Variants in GRIK2 observed in about 807,000 individuals in gnomAD.
GRIK2 encodes glutamate ionotropic receptor kainate type subunit 2, also known as glutamate receptor ionotropic, kainate 2.
In GRIK2, 32 loss-of-function variants were observed where a neutral mutation model predicts 100.3. That is an observed-to-expected ratio of 0.32 (90% CI 0.24 to 0.43). The LOEUF is 0.43. Among genes scored for constraint, GRIK2 ranks in the 20% least tolerant of loss-of-function variants. The pLI is 1.00. For missense variants in GRIK2, 843 were observed against 1,114.9 expected (o/e 0.76, Z 3.47); for synonymous variants, 417 against 389.4 (o/e 1.07, Z -0.83).
At chr6:102,000,772 C>A (rs913739136) in intron 14 of GRIK2, among the ~76,000 whole-genome samples, 1 of 151,974 alleles carries the variant, frequency 6.6e-6, no homozygotes, top group African/African-American at 2.4e-5. Flanking sequence ...TTGTGTTTCT[C>A]TCTTTTGTTT....
At chr6:101,627,800 GGTT>G (rs1450615645) in intron 4 of GRIK2, among the ~76,000 whole-genome samples, 2 of 152,024 alleles carry the variant, frequency 1.3e-5, no homozygotes, top group Non-Finnish European at 2.9e-5. Context: ...GCTAACTACA[GGTT>G]GTCTGCTTTC....
intron 9 of GRIK2, among the ~76,000 whole-genome samples, chr6:101,805,313 TAA>T (rs35711027): frequency 2.1e-5 from 3 of 141,992 alleles, no homozygotes; most frequent in African/African-American, 7.7e-5. Context: ...TTCATCACCT[TAA>T]AAAAAAAAAA....
chr6:101,711,706 G>T (rs1773706429), intron 7 of GRIK2, among the ~76,000 whole-genome samples: 1 of 151,768 alleles, frequency 6.6e-6, no homozygotes, highest in South Asian at 2.1e-4. Flanking sequence ...AAGAGGAAGT[G>T]TGTTATGACA....
At chr6:102,038,640 C>G (rs1467488825) in intron 15 of GRIK2, among the ~76,000 whole-genome samples, 5 of 146,668 alleles carry the variant, frequency 3.4e-5, no homozygotes, top group Admixed American at 6.9e-5. Context: ...AAAAATTGTA[C>G]TTAATTATAA....
intron 2 of GRIK2, among the ~76,000 whole-genome samples, chr6:101,463,172 A>G (rs1305018015): frequency 6.6e-6 from 1 of 152,198 alleles, no homozygotes; most frequent in African/African-American, 2.4e-5. Flanking sequence ...AACATTATAT[A>G]ATAGCATAGA....
chr6:101,598,460 T>C (rs1779032312), intron 2 of GRIK2, among the ~76,000 whole-genome samples: 1 of 151,484 alleles, frequency 6.6e-6, no homozygotes, highest in African/African-American at 2.4e-5. Context: ...CCCAGTTACA[T>C]TTTTATTTGT....
At chr6:101,906,366 C>CTGTGCGTGTGTGTG (rs1554283802) in intron 12 of GRIK2, among the ~76,000 whole-genome samples, 1 of 145,930 alleles carries the variant, frequency 6.9e-6, no homozygotes, top group African/African-American at 2.5e-5. Context: ...AAAACAAGAT[C>CTGTGCGTGTGTGTG]TGTGTGTGTG....
At chr6:101,464,065 TA>T (rs1771485091) in intron 2 of GRIK2, among the ~76,000 whole-genome samples, 1 of 152,336 alleles carries the variant, frequency 6.6e-6, no homozygotes, top group Admixed American at 6.5e-5. Flanking sequence ...ATTACTTGAT[TA>T]CAATACCCTC....
chr6:101,830,121 T>G (rs1179702238), intron 10 of GRIK2, among the ~76,000 whole-genome samples: 1 of 151,824 alleles, frequency 6.6e-6, no homozygotes, highest in Non-Finnish European at 1.5e-5. Flanking sequence ...GAAATAAGGC[T>G]ACACTCCTAC....
chr6:101,625,488 A>G (rs2128318282), intron 3 of GRIK2, among the ~76,000 whole-genome samples: 1 of 152,126 alleles, frequency 6.6e-6, no homozygotes, highest in South Asian at 2.1e-4. Context: ...ATCAAGTGAA[A>G]CAAACTTAAG....
chr6:101,788,272 A>C (rs988363108), intron 7 of GRIK2, among the ~76,000 whole-genome samples: 3 of 151,416 alleles, frequency 2.0e-5, no homozygotes, highest in African/African-American at 7.3e-5. Flanking sequence ...GGTTAGTTAC[A>C]TATGTATACA....
At chr6:101,763,549 A>G (rs114731019) in intron 7 of GRIK2, among the ~76,000 whole-genome samples, 2,924 of 152,330 alleles carry the variant, frequency 0.019, 26 homozygotes, top group African/African-American at 0.034. Context: ...TGTATTTTCT[A>G]CTAAAATCAA....
At chr6:101,991,089 A>C (rs1405598572) in intron 14 of GRIK2, among the ~76,000 whole-genome samples, 1 of 151,852 alleles carries the variant, frequency 6.6e-6, no homozygotes, top group Non-Finnish European at 1.5e-5. Context: ...AACAAGCTGG[A>C]CAAAAATAAC....
At chr6:101,483,246 C>T (rs1000858708) in intron 2 of GRIK2, among the ~76,000 whole-genome samples, 3 of 152,108 alleles carry the variant, frequency 2.0e-5, no homozygotes, top group African/African-American at 7.2e-5. Context: ...CTCTCTGAAA[C>T]CTATCTTCAG....
chr6:101,428,976 CTT>C (rs1435668258), intron 2 of GRIK2, among the ~76,000 whole-genome samples: 3 of 149,218 alleles, frequency 2.0e-5, no homozygotes, highest in African/African-American at 2.4e-5. Context: ...AAGACAAAGA[CTT>C]TGAAAAATTC....
intron 2 of GRIK2, among the ~76,000 whole-genome samples, chr6:101,548,301 C>T (rs1328075634): frequency 6.6e-6 from 1 of 152,172 alleles, no homozygotes; most frequent in Non-Finnish European, 1.5e-5. Context: ...GTTTCTTTTG[C>T]TCTGCAGAAG....
rs553037399 is a variant in GRIK2, at chr6:101,968,315, GATAAA to G, written c.2085+39688_2085+39692del. ...AAGCTTTTTAAAACCCTTTATATGT[GATAAA>G]ATAAGATGTTTAGGAGTTATATTTC... On this transcript the variant is annotated intron_variant, in intron 14 of 16. Transcript: ENST00000369134. 3.0e-4 allele frequency among the ~76,000 whole-genome samples: 45 copies of G among 152,114 alleles called. No individual in the cohort carries two copies. In the East Asian group the frequency reaches 6.0e-3, roughly 20 times the overall value.
At chr6:101,791,384 T>C (rs1779844272) in intron 7 of GRIK2, among the ~76,000 whole-genome samples, 5 of 152,204 alleles carry the variant, frequency 3.3e-5, no homozygotes, top group Admixed American at 2.6e-4. Flanking sequence ...TTTGAATGTG[T>C]CCCAGCGATT....
chr6:101,547,280 A>G (rs561843931), intron 2 of GRIK2, among the ~76,000 whole-genome samples: 2 of 152,004 alleles, frequency 1.3e-5, no homozygotes, highest in Admixed American at 6.6e-5. Flanking sequence ...TTGCGAACCT[A>G]TAATAGTCTG....
Sources: gnomAD v4.1 joint callset for allele counts (sites outside exome capture counted in the v4.1 genomes callset) on GRCh38, gnomAD v4.1.1 for gene constraint, MANE v1.5 for transcripts, NCBI Gene and HGNC (gene_info 2026-07-23, HGNC 2026-07-21) for gene names.